The following TRERF1 variants were observed in gnomAD, a reference collection of about 807,000 sequenced individuals.
TRERF1 encodes the protein transcriptional-regulating factor 1.
TRERF1 carries 27 observed loss-of-function variants against 122.9 expected under a neutral mutation model. The observed-to-expected ratio is 0.22, with a 90% CI of 0.16 to 0.30. The LOEUF is 0.30. Among genes scored for constraint, TRERF1 ranks in the 10% least tolerant of loss-of-function variants. The pLI is 1.00. For missense variants in TRERF1, 1,248 were observed against 1,560.3 expected (o/e 0.80, Z 3.37); for synonymous variants, 636 against 641.7 (o/e 0.99, Z 0.13).
chr6:42,441,547 G>A (rs973300146), intron 2 of TRERF1, among the ~76,000 whole-genome samples: 12 of 152,158 alleles, frequency 7.9e-5, no homozygotes, highest in Non-Finnish European at 1.3e-4. Context: ...AGGCAAGGGG[G>A]AAGAAAATAT....
chr6:42,253,301 C>A (rs1436041644), intron 13 of TRERF1, among the ~76,000 whole-genome samples: 1 of 152,166 alleles, frequency 6.6e-6, no homozygotes, highest in Non-Finnish European at 1.5e-5. Flanking sequence ...GCGACCCTAG[C>A]CACTCTGAGG....
chr6:42,418,218 C>CTTTTTTTTT (rs34388801), intron 2 of TRERF1, among the ~76,000 whole-genome samples: 7 of 34,656 alleles, frequency 2.0e-4, no homozygotes, highest in South Asian at 2.7e-3. Context: ...TTTTTCTTTC[C>CTTTTTTTTT]TTTTTTTTTT....
chr6:42,279,112 C>A (rs898633012), intron 4 of TRERF1, among the ~76,000 whole-genome samples: 1 of 152,180 alleles, frequency 6.6e-6, no homozygotes, highest in Non-Finnish European at 1.5e-5. Flanking sequence ...TGACCCCAGG[C>A]CTCACAGGGT....
At chr6:42,427,543 GC>G (rs1203602137) in intron 2 of TRERF1, among the ~76,000 whole-genome samples, 1 of 135,682 alleles carries the variant, frequency 7.4e-6, no homozygotes, top group African/African-American at 3.2e-5. Flanking sequence ...GAGCCACCTT[GC>G]CCTGCCTTAC....
At chr6:42,362,122 C>G (rs2150957450) in intron 3 of TRERF1, among the ~76,000 whole-genome samples, 1 of 152,206 alleles carries the variant, frequency 6.6e-6, no homozygotes, top group Admixed American at 6.5e-5. Flanking sequence ...CTGCCTGCAT[C>G]CTTATAAAGA....
rs549507945 is a variant in TRERF1, at chr6:42,402,706, C to T, written c.-453-39627G>A. Among the ~76,000 whole-genome samples, 7 of 152,300 alleles carry T rather than the reference C, an allele frequency of 4.6e-5. No individual in the cohort carries two copies. The South Asian group carries it at 6.2e-4, about 14-fold the overall frequency. The stretch of plus-strand genomic sequence containing the variant: ...TGGTCACTTATTCAACAAATATTAA[C>T]GGAGCACCTACTACATCAGACACCA... On this transcript the variant is annotated intron_variant, in intron 2 of 17. Coordinates refer to ENST00000372922, the Ensembl canonical transcript of TRERF1.
intron 2 of TRERF1, among the ~76,000 whole-genome samples, chr6:42,422,757 T>A (rs1314526581): frequency 6.6e-6 from 1 of 151,972 alleles, no homozygotes; most frequent in Non-Finnish European, 1.5e-5. Context: ...CCGTCCAGGA[T>A]GGCCATGATC....
intron 3 of TRERF1, among the ~76,000 whole-genome samples, chr6:42,313,335 G>A (rs1266342642): frequency 6.6e-6 from 1 of 152,146 alleles, no homozygotes; most frequent in African/African-American, 2.4e-5. Context: ...GAACAAAAAA[G>A]CAGGGCAGGA....
chr6:42,259,643 C>T lies in TRERF1; in HGVS notation c.1965G>A (p.Arg655=), dbSNP rs759686218. Residue 655 remains arginine, a synonymous_variant, in exon 9 of 18, where the codon CGG becomes CGA. Coordinates refer to ENST00000372922, the Ensembl canonical transcript of TRERF1. This position sits in a 1 kb window ranked among gnomAD's most constrained non-coding sequence, Gnocchi z 4.9. ...GGATGAAGAGAGGTTCCGGCCGGTG[C>T]CGGAACTTTTTCTTCTCCTGCACGG... 8 of 1,612,672 alleles carry T rather than the reference C, an allele frequency of 5.0e-6. No homozygotes were observed. The East Asian group carries it at 1.8e-4, about 36-fold the overall frequency.
chr6:42,268,132 G>A lies in TRERF1; in HGVS notation c.1437+22C>T, dbSNP rs755768684. The A allele has an allele frequency of 6.9e-7, 1 of 1,439,620 alleles. No homozygotes were observed. Among genetic ancestry groups the A allele is most frequent in the Admixed American group, 2.6e-5 (1 of 38,128 alleles). 89.2% of individuals were successfully genotyped at this position (1,439,620 alleles called of 1,614,324 possible). On this transcript the variant is annotated intron_variant, in intron 5 of 17. Transcript: ENST00000372922. The surrounding 1 kb of genome is among the most constrained non-coding windows in gnomAD (Gnocchi z 4.4). The stretch of plus-strand genomic sequence containing the variant: ...CCCTGTAGCACACTGGGTATTGAGA[G>A]AAACTTCCAATGGGAGAATACCTGG...
intron 4 of TRERF1, among the ~76,000 whole-genome samples, chr6:42,287,121 A>G (rs1295913090): frequency 1.5e-5 from 2 of 131,624 alleles, no homozygotes; most frequent in Non-Finnish European, 3.1e-5. Flanking sequence ...GAAGGGGAAT[A>G]TCACACTCTG....
chr6:42,374,890 G>A (rs1426429679), intron 2 of TRERF1, among the ~76,000 whole-genome samples: 1 of 151,438 alleles, frequency 6.6e-6, no homozygotes, highest in Non-Finnish European at 1.5e-5. Context: ...GTGCACCTGT[G>A]GTCCCAGCTA....
At chr6:42,399,432 G>A (rs964523520) in intron 2 of TRERF1, among the ~76,000 whole-genome samples, 1 of 152,064 alleles carries the variant, frequency 6.6e-6, no homozygotes, top group Admixed American at 6.6e-5. Flanking sequence ...CCAAGCGAGG[G>A]ACCTGGGTGT....
At chr6:42,447,638 T>C (rs1430454950) in intron 2 of TRERF1, among the ~76,000 whole-genome samples, 1 of 152,214 alleles carries the variant, frequency 6.6e-6, no homozygotes, top group Non-Finnish European at 1.5e-5. Flanking sequence ...AGCAGGACCA[T>C]GAGCACCATT....
intron 3 of TRERF1, among the ~76,000 whole-genome samples, chr6:42,337,204 G>A (rs1766363809): frequency 1.3e-5 from 2 of 152,210 alleles, no homozygotes; most frequent in Non-Finnish European, 2.9e-5. Context: ...AGGACAATGG[G>A]TAGGGGCCAG....
At chr6:42,262,436 GAGAGAGAGAGAGAGAGAGAGAGAGAGAGA>G (rs1778187524) in intron 8 of TRERF1, among the ~76,000 whole-genome samples, 1 of 7,520 alleles carries the variant, frequency 1.3e-4, no homozygotes, top group Non-Finnish European at 2.5e-4. Flanking sequence ...CCTAGGGGCA[GAGAGAGAGAGAGAGAGAGAGAGAGAGAGA>G]GGAGAGAGAG....
intron 3 of TRERF1, among the ~76,000 whole-genome samples, chr6:42,351,092 A>G (rs1346578732): frequency 6.6e-6 from 1 of 152,196 alleles, no homozygotes; most frequent in Non-Finnish European, 1.5e-5. Context: ...AAACAACACG[A>G]TACTATTTTC....
chr6:42,261,990 G>C (rs909941583), intron 8 of TRERF1, among the ~76,000 whole-genome samples: 3 of 151,966 alleles, frequency 2.0e-5, no homozygotes, highest in African/African-American at 7.3e-5. Flanking sequence ...GGGGTGGGGG[G>C]GGTGTGCCTG....
chr6:42,335,495 A>T (rs1765976795), intron 3 of TRERF1, among the ~76,000 whole-genome samples: 1 of 152,182 alleles, frequency 6.6e-6, no homozygotes, highest in Non-Finnish European at 1.5e-5. Flanking sequence ...AGATTTAAGA[A>T]GCTGGTTTTG....
Sources: gnomAD v4.1 joint callset for allele counts (sites outside exome capture counted in the v4.1 genomes callset) on GRCh38, gnomAD v4.1.1 for gene constraint, Gnocchi (gnomAD v3.1) non-coding constraint, MANE v1.5 for transcripts, NCBI Gene and HGNC (gene_info 2026-07-23, HGNC 2026-07-21) for gene names.